STAG1: variants seen among roughly 807,000 people sequenced by gnomAD.
STAG1 encodes STAG1 cohesin complex component, also known as cohesin subunit SA-1.
In STAG1, 26 loss-of-function variants were observed where a neutral mutation model predicts 170.9. That is an observed-to-expected ratio of 0.15 (90% CI 0.11 to 0.21). STAG1 has a LOEUF of 0.21. Ranked by LOEUF, STAG1 falls within the 10% of genes least tolerant of loss-of-function variation. The pLI, the probability that STAG1 is intolerant of heterozygous loss-of-function variation, is 1.00. For synonymous variants in STAG1, 514 were observed against 497.7 expected, an observed-to-expected ratio of 1.03 and a Z score of -0.44; for missense variants, 964 against 1,509.5, an observed-to-expected ratio of 0.64 and a Z score of 5.99.
chr3:136,713,532 G>A (rs1319119196), intron 1 of STAG1, among the ~76,000 whole-genome samples: 2 of 150,474 alleles, frequency 1.3e-5, no homozygotes, highest in Non-Finnish European at 3.0e-5. Flanking sequence ...GCACTGAGCC[G>A]AGATCATGCC....
intron 4 of STAG1, among the ~76,000 whole-genome samples, chr3:136,589,326 C>G (rs1384016864): frequency 6.6e-6 from 1 of 151,804 alleles, no homozygotes; most frequent in African/African-American, 2.4e-5. Context: ...TGGTGAAACC[C>G]AGTCTCTACT....
At chr3:136,635,978 T>C (rs1940536483) in intron 1 of STAG1, among the ~76,000 whole-genome samples, 1 of 152,214 alleles carries the variant, frequency 6.6e-6, no homozygotes. Context: ...CCGGGCACCA[T>C]GGCTCACGCC....
chr3:136,539,211 A>G (rs954470568), intron 6 of STAG1, among the ~76,000 whole-genome samples: 3 of 152,166 alleles, frequency 2.0e-5, no homozygotes, highest in Admixed American at 6.5e-5. Context: ...ACTGGAGATA[A>G]TTTGAGCTTT....
chr3:136,424,515 G>C (rs34282798), intron 16 of STAG1, among the ~76,000 whole-genome samples: 27,500 of 151,428 alleles, frequency 0.18, 2,969 homozygotes, highest in Non-Finnish European at 0.24. Context: ...TTGTATTTTT[G>C]GTAGAGACGG....
At chr3:136,513,272 C>T (rs1324112270) in intron 7 of STAG1, among the ~76,000 whole-genome samples, 2 of 151,664 alleles carry the variant, frequency 1.3e-5, no homozygotes, top group African/African-American at 4.8e-5. Context: ...GGAGAGTATC[C>T]CTTGAACCCA....
intron 21 of STAG1, 149 bp downstream of exon 21, chr3:136,417,736 A>G (rs2087814914): frequency 1.6e-6 from 1 of 639,076 alleles, no homozygotes; most frequent in Non-Finnish European, 2.7e-6. Flanking sequence ...TATCAATAAC[A>G]TTTAATTACT....
At chr3:136,490,079 C>T (rs954856647) in intron 9 of STAG1, among the ~76,000 whole-genome samples, 2 of 152,120 alleles carry the variant, frequency 1.3e-5, no homozygotes, top group African/African-American at 2.4e-5. Flanking sequence ...CTTACTCCAT[C>T]GCCCAGGCTG....
chr3:136,384,471 A>C (rs530189070), intron 22 of STAG1, among the ~76,000 whole-genome samples: 1 of 150,074 alleles, frequency 6.7e-6, no homozygotes, highest in Admixed American at 6.7e-5. Flanking sequence ...GAAAAAAAAA[A>C]AAAAAAGAAA....
chr3:136,476,362 C>G (rs1425014548), intron 10 of STAG1, among the ~76,000 whole-genome samples: 2 of 152,112 alleles, frequency 1.3e-5, no homozygotes, highest in Non-Finnish European at 2.9e-5. Flanking sequence ...CTTCTCCTGA[C>G]CATCATAGTC....
chr3:136,729,850 A>T (rs1933904926), intron 1 of STAG1, among the ~76,000 whole-genome samples: 1 of 130,970 alleles, frequency 7.6e-6, no homozygotes, highest in South Asian at 2.6e-4. Context: ...AAGTGCTGAG[A>T]TTACAGGCAT....
chr3:136,501,485 G>C (rs1016253383), intron 8 of STAG1, among the ~76,000 whole-genome samples: 2 of 152,112 alleles, frequency 1.3e-5, no homozygotes, highest in Non-Finnish European at 2.9e-5. Flanking sequence ...CATACACACA[G>C]GAAGAATGTC....
intron 6 of STAG1, among the ~76,000 whole-genome samples, chr3:136,523,575 C>T (rs1934814613): frequency 6.6e-6 from 1 of 152,160 alleles, no homozygotes; most frequent in Non-Finnish European, 1.5e-5. Flanking sequence ...GTTTCTTTTG[C>T]TGTGCAGAAG....
intron 1 of STAG1, among the ~76,000 whole-genome samples, chr3:136,660,191 A>G (rs1314941018): frequency 6.6e-6 from 1 of 152,204 alleles, no homozygotes; most frequent in Non-Finnish European, 1.5e-5. Flanking sequence ...TTGGCGATAG[A>G]TGTCTCTTCC....
chr3:136,374,973 G>C (rs541748281), intron 23 of STAG1, among the ~76,000 whole-genome samples: 1 of 152,086 alleles, frequency 6.6e-6, no homozygotes, highest in African/African-American at 2.4e-5. Flanking sequence ...AATACCAGTT[G>C]TATTATAATT....
At chr3:136,425,671 T>C (rs1024108894) in intron 16 of STAG1, among the ~76,000 whole-genome samples, 2 of 151,118 alleles carry the variant, frequency 1.3e-5, no homozygotes, top group Admixed American at 6.6e-5. Flanking sequence ...GAATGTATGA[T>C]TTAAATACGT....
intron 6 of STAG1, among the ~76,000 whole-genome samples, chr3:136,521,855 T>A (rs1934694799): frequency 6.6e-6 from 1 of 152,210 alleles, no homozygotes; most frequent in African/African-American, 2.4e-5. Flanking sequence ...AGTGAGAATT[T>A]CAAAAGTATA....
At chr3:136,463,784 CACACACATAT>C (rs1242780624) in intron 13 of STAG1, among the ~76,000 whole-genome samples, 2 of 130,928 alleles carry the variant, frequency 1.5e-5, no homozygotes, top group African/African-American at 5.5e-5. Context: ...CACACACACA[CACACACATAT>C]ACATATACAT....
chr3:136,479,057 T>C (rs2089844068), intron 9 of STAG1, among the ~76,000 whole-genome samples: 1 of 77,630 alleles, frequency 1.3e-5, no homozygotes, highest in Admixed American at 1.4e-4. Flanking sequence ...TATTATAATC[T>C]TTCTTTTTTT....
Position 136,521,217 on chromosome 3 carries a change from C to T in STAG1, c.672G>A (p.Leu224=). 1 of 1,612,814 alleles carries T rather than the reference C, an allele frequency of 6.2e-7. No homozygotes were observed. Among genetic ancestry groups the T allele is most frequent in the Non-Finnish European group, 8.5e-7 (1 of 1,179,140 alleles). ...QVRAFRHTST[L]AAMKLMTALV... ...AATAAAATGTTAATTACTTACCAGCCAGGGTACTTGTATGCCTAAAAGCTC... is the reference window on the plus strand; with the variant it reads ...AATAAAATGTTAATTACTTACCAGCTAGGGTACTTGTATGCCTAAAAGCTC... The change falls in exon 7 of 34, where the codon CTG becomes CTA. Residue 224 remains leucine (L), a synonymous_variant. Coordinates refer to ENST00000383202, the MANE Select transcript of STAG1 (RefSeq NM_005862.3).
Sources: gnomAD v4.1 joint callset for allele counts (sites outside exome capture counted in the v4.1 genomes callset) on GRCh38, gnomAD v4.1.1 for gene constraint, MANE v1.5 for transcripts, NCBI Gene and HGNC (gene_info 2026-07-23, HGNC 2026-07-21) for gene names.